FHDC1: variants seen among roughly 807,000 people sequenced by gnomAD.
FHDC1 encodes FH2 domain containing 1, also known as FH2 domain-containing protein 1.
Under a neutral mutation model 52.6 loss-of-function variants are expected in FHDC1, and 25 were observed. The observed-to-expected ratio is 0.48, with a 90% CI of 0.35 to 0.66. The LOEUF is 0.66. FHDC1 is among the 30% of genes least tolerant of loss of function. FHDC1 has a pLI of 0.01. For missense variants in FHDC1, 1,459 were observed against 1,452.8 expected, an observed-to-expected ratio of 1.00 and a Z score of -0.07; for synonymous variants, 616 against 581.5, an observed-to-expected ratio of 1.06 and a Z score of -0.85.
the FHDC1 span, among the ~76,000 whole-genome samples, chr4:152,919,212 G>A: frequency 6.6e-6 from 1 of 152,256 alleles, no homozygotes; most frequent in African/African-American, 2.4e-5. Flanking sequence ...CAGCTGTCGA[G>A]CCTTGAAGGT....
At chr4:152,926,497 A>G in the FHDC1 span, among the ~76,000 whole-genome samples, 25 of 151,224 alleles carry the variant, frequency 1.7e-4, no homozygotes, top group African/African-American at 6.1e-4. Flanking sequence ...GGCTGATGTG[A>G]TGAAAAAAAA....
chr4:152,954,822 A>G (rs756644197), intron 4 of FHDC1, among the ~76,000 whole-genome samples: 10 of 152,212 alleles, frequency 6.6e-5, no homozygotes, highest in Admixed American at 1.3e-4. Flanking sequence ...GAGTCAGAGA[A>G]TCTAGATTCA....
Position 152,972,451 on chromosome 4 carries a change from T to C in FHDC1, c.1293T>C (p.Asp431=). 2 of 1,613,954 alleles carry C rather than the reference T, an allele frequency of 1.2e-6. No individual in the cohort carries two copies. The highest frequency in any genetic ancestry group is 1.7e-6 in the Non-Finnish European group (2 of 1,179,962). ...AGGATGAGGCCTACACCCTTATAGA[T>C]TTTTTCTGTGAAGACAAAAAAACCA... ...ELQDEAYTLI[D]FFCEDKKTMK... The change falls in exon 11 of 12, where the codon GAT becomes GAC. Residue 431 remains aspartate (D), a synonymous_variant. Transcript: ENST00000511601.
chr4:152,956,856 C>T (rs1047392345), intron 4 of FHDC1, among the ~76,000 whole-genome samples: 3 of 152,228 alleles, frequency 2.0e-5, no homozygotes, highest in African/African-American at 4.8e-5. Context: ...CCTCCAAACT[C>T]AACTGGGAGT....
upstream of FHDC1, among the ~76,000 whole-genome samples, chr4:152,932,690 G>A (rs1283351550): frequency 1.3e-5 from 2 of 152,116 alleles, no homozygotes; most frequent in African/African-American, 4.8e-5. Context: ...GAAGAATAAC[G>A]ATTAAAGATT....
chr4:152,963,228 G>C (rs1740338670), intron 8 of FHDC1, 98 bp downstream of exon 8: 1 of 1,040,198 alleles, frequency 9.6e-7, no homozygotes, highest in Admixed American at 1.9e-5. Flanking sequence ...GCAGGGTTAG[G>C]AAAGGGCATG....
At chr4:152,932,401 C>A (rs1246696747), upstream of FHDC1, among the ~76,000 whole-genome samples, 10 of 145,226 alleles carry the variant, frequency 6.9e-5, no homozygotes, top group Non-Finnish European at 9.1e-5. Flanking sequence ...GACTCTATCT[C>A]AAAAAAAAAA....
In FHDC1 at chr4:152,943,191, C is replaced by T. The variant is rs1345942776; in HGVS notation, c.134C>T (p.Pro45Leu). 1 of 1,613,376 alleles carries T rather than the reference C, an allele frequency of 6.2e-7. No individual in the cohort carries two copies. Among genetic ancestry groups the T allele is most frequent in the East Asian group, 2.2e-5 (1 of 44,858 alleles). Residue 45 changes from proline (P) to leucine (L), a missense_variant, in exon 2 of 12, where the codon CCA becomes CTA. Around this residue, in one of 3 missense-constraint regions of FHDC1, gnomAD observed 513 missense variants for 581.5 expected, o/e 0.88. Transcript: ENST00000511601. Reference sequence around the variant, plus strand: ...CCTCCTCCTCCACCCCCTCCATCTCCACCATGTTCATGTTCAAGGGAAGAG... The same window carrying T: ...CCTCCTCCTCCACCCCCTCCATCTCTACCATGTTCATGTTCAAGGGAAGAG... ...PPPPPPPPPS[P>L]PCSCSREECP...
chr4:152,965,016 T>C (rs1240580051), intron 9 of FHDC1, 41 bp downstream of exon 9: 3 of 1,549,612 alleles, frequency 1.9e-6, no homozygotes, highest in African/African-American at 1.4e-5. Flanking sequence ...TCTTTACCTT[T>C]TTATGAAAAC....
intron 1 of FHDC1, among the ~76,000 whole-genome samples, chr4:152,940,986 T>C (rs1005478463): frequency 8.5e-5 from 13 of 152,356 alleles, no homozygotes; most frequent in African/African-American, 2.6e-4. Context: ...GTATGTCAGC[T>C]TGGAAAAATA....
intron 9 of FHDC1, among the ~76,000 whole-genome samples, chr4:152,967,400 C>G (rs890250918): frequency 3.9e-5 from 6 of 152,032 alleles, no homozygotes; most frequent in Non-Finnish European, 7.4e-5. Context: ...GCAATCCAGC[C>G]TGAGTGACAG....
the FHDC1 span, among the ~76,000 whole-genome samples, chr4:152,918,638 C>T: frequency 6.6e-6 from 1 of 152,228 alleles, no homozygotes; most frequent in South Asian, 2.1e-4. Flanking sequence ...ATCCATCCCT[C>T]TTCTTCCCAA....
intron 10 of FHDC1, among the ~76,000 whole-genome samples, chr4:152,971,489 AGT>A (rs1740633725): frequency 6.6e-6 from 1 of 152,170 alleles, no homozygotes; most frequent in Admixed American, 6.5e-5. Context: ...CCATCGGGGA[AGT>A]GTGTGTGACC....
chr4:152,971,879 C>G (rs1740649718), intron 10 of FHDC1, among the ~76,000 whole-genome samples: 1 of 152,044 alleles, frequency 6.6e-6, no homozygotes, highest in Non-Finnish European at 1.5e-5. Flanking sequence ...TGACCCTGAC[C>G]CTCACAGAGC....
intron 11 of FHDC1, among the ~76,000 whole-genome samples, chr4:152,973,563 C>T (rs74573617): frequency 6.6e-6 from 1 of 152,302 alleles, no homozygotes; most frequent in African/African-American, 2.4e-5. Context: ...GCTCTCAGCC[C>T]CACTGTCCAA....
At chr4:152,913,047 T>C in the FHDC1 span, among the ~76,000 whole-genome samples, 1 of 152,216 alleles carries the variant, frequency 6.6e-6, no homozygotes, top group African/African-American at 2.4e-5. Flanking sequence ...TATGTTAAAC[T>C]GACTTAGCCA....
chr4:152,944,010 T>C lies in FHDC1; in HGVS notation c.498+455T>C, dbSNP rs538178670. Reference sequence around the variant, plus strand: ...GACGTCCATCCTTAGGATTTTACCCTTATTTTCTCCTCTAGTTTTTATATA... The same window carrying C: ...GACGTCCATCCTTAGGATTTTACCCCTATTTTCTCCTCTAGTTTTTATATA... On this transcript the variant is annotated intron_variant, in intron 2 of 11. Transcript: ENST00000511601. Among the ~76,000 whole-genome samples the C allele has an allele frequency of 3.3e-5, 5 of 152,352 alleles. No individual in the cohort carries two copies. In the East Asian group the frequency reaches 9.6e-4, roughly 29 times the overall value.
At chr4:152,916,155 G>A in the FHDC1 span, among the ~76,000 whole-genome samples, 1 of 151,982 alleles carries the variant, frequency 6.6e-6, no homozygotes, top group South Asian at 2.1e-4. Context: ...AAAAAAATTA[G>A]TAATACTGTT....
upstream of FHDC1, among the ~76,000 whole-genome samples, chr4:152,934,815 A>G (rs905270066): frequency 6.6e-6 from 1 of 152,180 alleles, no homozygotes; most frequent in African/African-American, 2.4e-5. Context: ...ACTGTTTTAG[A>G]GTGCATGCTC....
Sources: allele counts gnomAD v4.1 joint callset (sites outside exome capture counted in the v4.1 genomes callset), GRCh38; gene constraint gnomAD v4.1.1; regional missense constraint gnomAD v4.1.1; transcripts MANE v1.5; gene names NCBI Gene and HGNC (gene_info 2026-07-23, HGNC 2026-07-21).